ZHX3: variants seen among roughly 807,000 people sequenced by gnomAD.
ZHX3 encodes the protein zinc fingers and homeoboxes protein 3.
Under a neutral mutation model 64.5 loss-of-function variants are expected in ZHX3, and 20 were observed. The observed-to-expected ratio is 0.31, with a 90% CI of 0.22 to 0.45. ZHX3 has a LOEUF of 0.45. Among genes scored for constraint, ZHX3 ranks in the 20% least tolerant of loss-of-function variants. The pLI, the probability that ZHX3 is intolerant of heterozygous loss-of-function variation, is 1.00. For synonymous variants in ZHX3, 423 were observed against 461.6 expected, an observed-to-expected ratio of 0.92 and a Z score of 1.07; for missense variants, 1,041 against 1,195.8, an observed-to-expected ratio of 0.87 and a Z score of 1.91.
At chr20:41,306,828 G>A (rs904489929) in intron 1 of ZHX3, among the ~76,000 whole-genome samples, 6 of 152,236 alleles carry the variant, frequency 3.9e-5, no homozygotes, top group Non-Finnish European at 5.9e-5. Context: ...ACAAAAGGTA[G>A]CAAGTAGTAT....
chr20:41,185,353 C>T lies in ZHX3; in HGVS notation c.2861-152G>A, dbSNP rs2036432843. 3 of 937,858 alleles carry T rather than the reference C, an allele frequency of 3.2e-6. No individual in the cohort carries two copies. In the East Asian group the frequency reaches 7.9e-5, roughly 25 times the overall value. 58.1% of individuals were successfully genotyped at this position (937,858 alleles called of 1,614,324 possible). ...AATGGCCTTCTGCCACCCACTCCCC[C>T]ACCCTCCAGCCTGAGGGAATGTGGG... On this transcript the variant is annotated intron_variant, in intron 3 of 3. Coordinates refer to ENST00000683867, the MANE Select transcript of ZHX3 (RefSeq NM_001384317.1). This position sits in a 1 kb window ranked among gnomAD's most constrained non-coding sequence, Gnocchi z 5.0.
intron 1 of ZHX3, among the ~76,000 whole-genome samples, chr20:41,280,054 G>C (rs1319263237): frequency 6.6e-6 from 1 of 152,078 alleles, no homozygotes. Flanking sequence ...ACAGGCGCTG[G>C]GACTACAGAA....
intron 2 of ZHX3, among the ~76,000 whole-genome samples, chr20:41,245,504 A>G (rs185587797): frequency 2.0e-4 from 30 of 152,348 alleles, no homozygotes. Context: ...CAAAGAAGGG[A>G]GCAAGAGTTA....
At chr20:41,191,405 T>C (rs563269378) in intron 3 of ZHX3, among the ~76,000 whole-genome samples, 1 of 152,334 alleles carries the variant, frequency 6.6e-6, no homozygotes, top group East Asian at 1.9e-4. Context: ...AAAATTATCA[T>C]TCATTTCCCA....
Position 41,184,825 on chromosome 20 carries a change from A to C in ZHX3, c.*366T>G, listed in dbSNP as rs927354906. 5 of 1,379,886 alleles carry C rather than the reference A, an allele frequency of 3.6e-6. No homozygotes were observed. Among genetic ancestry groups the C allele is most frequent in the Non-Finnish European group, 3.8e-6 (4 of 1,040,654 alleles). 85.5% of individuals were successfully genotyped at this position (1,379,886 alleles called of 1,614,324 possible). On this transcript the variant is annotated 3_prime_UTR_variant, in exon 4 of 4. Coordinates refer to ENST00000683867, the MANE Select transcript of ZHX3 (RefSeq NM_001384317.1). ...CTAACCAAAGTTTCTACGTAATGAC[A>C]GTGTTGATAATCTGATGTTTTATTT... is the stretch of plus-strand genomic sequence containing the variant.
intron 2 of ZHX3, 58 bp downstream of exon 2, chr20:41,268,932 G>A (rs980203463): frequency 1.3e-5 from 2 of 152,186 alleles, no homozygotes; most frequent in Admixed American, 1.3e-4. Context: ...AATGTAGCAA[G>A]AAACTTGTGA....
At chr20:41,218,148 A>G (rs1010911474) in intron 2 of ZHX3, among the ~76,000 whole-genome samples, 1 of 152,000 alleles carries the variant, frequency 6.6e-6, no homozygotes, top group Non-Finnish European at 1.5e-5. Context: ...CCTGTCTCCT[A>G]AAAATGAAAA....
At chr20:41,252,470 A>G (rs992781980) in intron 2 of ZHX3, among the ~76,000 whole-genome samples, 2 of 152,206 alleles carry the variant, frequency 1.3e-5, no homozygotes, top group Admixed American at 6.5e-5. Context: ...ATGGCCCAAC[A>G]GAGCCAAACC....
chr20:41,251,160 G>GATAT (rs36122180), intron 2 of ZHX3, among the ~76,000 whole-genome samples: 9 of 150,888 alleles, frequency 6.0e-5, no homozygotes, highest in African/African-American at 2.2e-4. Context: ...AATATGGGGA[G>GATAT]ATATATATAT....
At chr20:41,216,037 G>C (rs916880329) in intron 2 of ZHX3, among the ~76,000 whole-genome samples, 7 of 151,296 alleles carry the variant, frequency 4.6e-5, no homozygotes, top group African/African-American at 1.7e-4. Context: ...ATATTCTAAA[G>C]ATCAAGTGGA....
At position 41,292,165 on chromosome 20, in the gene ZHX3, G is replaced by A. The variant is rs531079249; in HGVS notation, c.-244-23082C>T. ...TGAATTGTCAGTGTCAAAGCTTTGG[G>A]GTTTTTTGCTGTTGTCTTTATCCTC... On this transcript the variant is annotated intron_variant, in intron 1 of 3. Coordinates refer to ENST00000683867, the MANE Select transcript of ZHX3 (RefSeq NM_001384317.1). 3.9e-5 allele frequency among the ~76,000 whole-genome samples: 6 copies of A among 152,082 alleles called. No individual in the cohort carries two copies. In the East Asian group the frequency reaches 1.2e-3, roughly 29 times the overall value.
intron 1 of ZHX3, among the ~76,000 whole-genome samples, chr20:41,298,730 A>G (rs1216565575): frequency 2.6e-5 from 4 of 152,242 alleles, no homozygotes; most frequent in Admixed American, 2.6e-4. Context: ...ATAATTCATT[A>G]GGATCACAAT....
rs541460635 is a variant in ZHX3, at chr20:41,232,614, C to T, written c.-150-27548G>A. Among the ~76,000 whole-genome samples, 10 of 151,868 alleles carry T rather than the reference C, an allele frequency of 6.6e-5. No individual in the cohort carries two copies. In the South Asian group the frequency reaches 1.9e-3, roughly 28 times the overall value. On this transcript the variant is annotated intron_variant, in intron 2 of 3. Transcript: ENST00000683867. The surrounding 1 kb of genome is among the most constrained non-coding windows in gnomAD (Gnocchi z 5.0). ...GAAAATTCTTCTTTTTTTTTTGAGACGGAGTCTCGCTGTCGCCCAGGCTGG... is the reference window on the plus strand; with the variant it reads ...GAAAATTCTTCTTTTTTTTTTGAGATGGAGTCTCGCTGTCGCCCAGGCTGG...
chr20:41,287,522 T>C (rs1371952137), intron 1 of ZHX3, among the ~76,000 whole-genome samples: 4 of 152,180 alleles, frequency 2.6e-5, no homozygotes. Flanking sequence ...TGATGAAATG[T>C]CACTTCCAAG....
intron 1 of ZHX3, among the ~76,000 whole-genome samples, chr20:41,293,056 C>T (rs2044328968): frequency 6.6e-6 from 1 of 152,122 alleles, no homozygotes; most frequent in East Asian, 1.9e-4. Context: ...TGTCAAATAC[C>T]GGCATCAGAT....
intron 1 of ZHX3, among the ~76,000 whole-genome samples, chr20:41,290,052 T>C (rs2044150128): frequency 1.3e-5 from 2 of 152,226 alleles, no homozygotes; most frequent in Admixed American, 1.3e-4. Context: ...TTATGGTTGT[T>C]AGAAAATCTG....
chr20:41,247,197 G>A (rs546828760), intron 2 of ZHX3, among the ~76,000 whole-genome samples: 2 of 152,294 alleles, frequency 1.3e-5, no homozygotes, highest in African/African-American at 4.8e-5. Context: ...GAACCCAGGA[G>A]GTCGAGGCTG....
rs1384457124 is a variant in ZHX3 at position 41,250,324 on chromosome 20, A to G, written c.-151+18666T>C. ...CATCTAAACACTGTGACCGCCTGCTAAAATGGAAGATTTAAATAGGACCCA... is the reference window on the plus strand; with the variant it reads ...CATCTAAACACTGTGACCGCCTGCTGAAATGGAAGATTTAAATAGGACCCA... On this transcript the variant is annotated intron_variant, in intron 2 of 3. Coordinates refer to ENST00000683867, the MANE Select transcript of ZHX3 (RefSeq NM_001384317.1). Among the ~76,000 whole-genome samples, 3 of 152,340 alleles carry G rather than the reference A, an allele frequency of 2.0e-5. No homozygotes were observed. The East Asian group carries it at 5.8e-4, about 29-fold the overall frequency.
chr20:41,197,717 G>A (rs1230068902), intron 3 of ZHX3, among the ~76,000 whole-genome samples: 1 of 151,808 alleles, frequency 6.6e-6, no homozygotes, highest in Non-Finnish European at 1.5e-5. Flanking sequence ...TTTTTAATAT[G>A]TCTTATATGT....
Sources: gnomAD v4.1 joint callset for allele counts (sites outside exome capture counted in the v4.1 genomes callset) on GRCh38, gnomAD v4.1.1 for gene constraint, Gnocchi (gnomAD v3.1) non-coding constraint, MANE v1.5 for transcripts, NCBI Gene and HGNC (gene_info 2026-07-23, HGNC 2026-07-21) for gene names.